Variants in DSCAM observed in about 807,000 individuals in gnomAD.
DSCAM encodes the protein DS cell adhesion molecule, also known as cell adhesion molecule DSCAM.
A neutral mutation model predicts 217.7 loss-of-function variants in DSCAM; 47 were observed. That is an observed-to-expected ratio of 0.22 (90% CI 0.17 to 0.28). The LOEUF is 0.28. Among genes scored for constraint, DSCAM ranks in the 10% least tolerant of loss-of-function variants. DSCAM has a pLI of 1.00. For synonymous variants in DSCAM, 1,056 were observed against 1,015.3 expected (o/e 1.04, Z -0.76); for missense variants, 2,080 against 2,618.3 (o/e 0.79, Z 4.49).
At chr21:40,062,043 G>A (rs543263646) in intron 28 of DSCAM, among the ~76,000 whole-genome samples, 6 of 152,292 alleles carry the variant, frequency 3.9e-5, no homozygotes, top group Admixed American at 6.5e-5. Context: ...TAATCCATAC[G>A]TGTAAATGCT....
In DSCAM at chr21:40,656,207, C is replaced by A. The variant is rs114647483; in HGVS notation, c.508+36603G>T. On this transcript the variant is annotated intron_variant, in intron 3 of 32. Transcript: ENST00000400454. ...GGGGACACATACATTCAAACCAGAG[C>A]AACTCTTATTTCATTTTGTTCTTTC... 3.7e-3 allele frequency among the ~76,000 whole-genome samples: 562 copies of A among 152,282 alleles called. 1 individual carries two copies. Among genetic ancestry groups the A allele is most frequent in the African/African-American group, 0.013 (524 of 41,570 alleles).
Position 40,791,584 on chromosome 21 carries a change from T to C in DSCAM, c.43+55035A>G, listed in dbSNP as rs74945267. ...GCGGGAATGGCGTGAACCCAGGAGG[T>C]GGAGCTTGCAGTGAGCCGAGATTGC... On this transcript the variant is annotated intron_variant, in intron 1 of 32. Coordinates refer to ENST00000400454, the MANE Select transcript of DSCAM (RefSeq NM_001389.5). Among the ~76,000 whole-genome samples the C allele has an allele frequency of 0.014, 2,090 of 151,976 alleles. 98 individuals are homozygous for C. In the East Asian group the frequency reaches 0.18, roughly 13 times the overall value.
intron 3 of DSCAM, among the ~76,000 whole-genome samples, chr21:40,376,531 A>ATATCGATATATCTTATATC (rs1569092854): frequency 2.8e-5 from 2 of 72,580 alleles, no homozygotes; most frequent in East Asian, 8.5e-4. Context: ...TATCTTATAT[A>ATATCGATATATCTTATATC]GATATCGATA....
At chr21:40,377,195 T>C (rs1017468141) in intron 3 of DSCAM, among the ~76,000 whole-genome samples, 1 of 152,208 alleles carries the variant, frequency 6.6e-6, no homozygotes, top group Non-Finnish European at 1.5e-5. Context: ...AAGAGGAAGA[T>C]ACTGTTATTC....
chr21:40,703,146 CCTTT>C (rs1356354301), intron 2 of DSCAM, among the ~76,000 whole-genome samples: 1 of 151,998 alleles, frequency 6.6e-6, no homozygotes, highest in Non-Finnish European at 1.5e-5. Context: ...TCTAGAACTT[CCTTT>C]AAGATTTCTT....
At chr21:40,039,478 C>T (rs1441758098) in intron 32 of DSCAM, among the ~76,000 whole-genome samples, 2 of 152,082 alleles carry the variant, frequency 1.3e-5, no homozygotes, top group African/African-American at 2.4e-5. Context: ...TTCATTCATA[C>T]AGTAAGGTTT....
intron 14 of DSCAM, among the ~76,000 whole-genome samples, chr21:40,182,127 G>T (rs2090811049): frequency 2.0e-5 from 3 of 152,260 alleles, no homozygotes; most frequent in Admixed American, 6.5e-5. Flanking sequence ...AAGAAGTGCT[G>T]TTAGAGGCTA....
rs188790280 is a variant in DSCAM, at chr21:40,766,147, G to T, written c.44-57376C>A. On this transcript the variant is annotated intron_variant, in intron 1 of 32. Transcript: ENST00000400454. Reference sequence around the variant, plus strand: ...GCTCCGTCAACTAGCAAAAGGGGTTGGGGGTGGGGGAAGAAAGACTAATTA... The same window carrying T: ...GCTCCGTCAACTAGCAAAAGGGGTTTGGGGTGGGGGAAGAAAGACTAATTA... 3.7e-3 allele frequency among the ~76,000 whole-genome samples: 556 copies of T among 152,306 alleles called. 4 individuals carry two copies. The highest frequency in any genetic ancestry group is 0.013 in the African/African-American group (536 of 41,568).
chr21:40,824,403 A>ATTTTTTTTTTTTTTTTTTTTTTTTT (rs536114434), intron 1 of DSCAM, among the ~76,000 whole-genome samples: 14 of 121,006 alleles, frequency 1.2e-4, no homozygotes, highest in East Asian at 2.3e-4. Context: ...TTTATTATTG[A>ATTTTTTTTTTTTTTTTTTTTTTTTT]TTTTTTTTTT....
chr21:40,517,404 A>AACACACAC (rs3070750), intron 3 of DSCAM, among the ~76,000 whole-genome samples: 6,884 of 144,710 alleles, frequency 0.048, 229 homozygotes, highest in Middle Eastern at 0.094. Context: ...ACACACAAGC[A>AACACACAC]ACACACACAC....
intron 6 of DSCAM, among the ~76,000 whole-genome samples, chr21:40,342,648 A>ATATATATATATATATATATATATATATAT (rs61637421): frequency 1.2e-5 from 1 of 80,322 alleles, no homozygotes; most frequent in African/African-American, 5.2e-5. Context: ...ATATATATAT[A>ATATATATATATATATATATATATATATAT]TTTTTTTTTT....
rs1374813184 is a variant in DSCAM at position 40,504,186 on chromosome 21, G to A, written c.509-134941C>T. 1.8e-4 allele frequency among the ~76,000 whole-genome samples: 28 copies of A among 152,232 alleles called. 1 individual carries two copies. On this transcript the variant is annotated intron_variant, in intron 3 of 32. Transcript: ENST00000400454. ...AAGAGAAGAGGAAAGAAGAGGGGAG[G>A]AGAAAAGAAGAGAAAAGAGGAAGAA... is the stretch of plus-strand genomic sequence containing the variant.
chr21:40,065,129 T>G (rs2089187657), intron 27 of DSCAM, among the ~76,000 whole-genome samples: 1 of 152,028 alleles, frequency 6.6e-6, no homozygotes, highest in Non-Finnish European at 1.5e-5. Context: ...AAGGAGGAGT[T>G]GCAGGGAGTC....
intron 3 of DSCAM, among the ~76,000 whole-genome samples, chr21:40,506,676 G>GAGTAAC (rs1395627879): frequency 6.6e-6 from 1 of 152,144 alleles, no homozygotes; most frequent in East Asian, 1.9e-4. Context: ...AGCAAAGAGC[G>GAGTAAC]AGTAACAGTC....
chr21:40,442,946 A>G (rs1601648007), intron 3 of DSCAM, among the ~76,000 whole-genome samples: 1 of 152,342 alleles, frequency 6.6e-6, no homozygotes, highest in Admixed American at 6.5e-5. Context: ...GTGTGGATGG[A>G]CATGAAACAA....
chr21:40,556,384 T>C (rs932745714), intron 3 of DSCAM, among the ~76,000 whole-genome samples: 1 of 152,086 alleles, frequency 6.6e-6, no homozygotes, highest in African/African-American at 2.4e-5. Flanking sequence ...GTTCTTACAA[T>C]AAAGCAAGCT....
At chr21:40,428,373 C>T (rs563794033) in intron 3 of DSCAM, among the ~76,000 whole-genome samples, 4 of 151,728 alleles carry the variant, frequency 2.6e-5, no homozygotes, top group African/African-American at 9.7e-5. Flanking sequence ...CGGGTCCAAG[C>T]AATTCTCCTG....
intron 3 of DSCAM, among the ~76,000 whole-genome samples, chr21:40,688,333 G>C (rs563463931): frequency 6.6e-6 from 1 of 152,254 alleles, no homozygotes; most frequent in South Asian, 2.1e-4. Flanking sequence ...CCCTAATCGG[G>C]AGGAAATTCA....
chr21:40,441,817 G>A (rs1052352137), intron 3 of DSCAM, among the ~76,000 whole-genome samples: 5 of 152,216 alleles, frequency 3.3e-5, no homozygotes, highest in Middle Eastern at 6.8e-3. Flanking sequence ...CCTCTGCTCA[G>A]GATCCTTGTG....
Sources: gnomAD v4.1 joint callset for allele counts (sites outside exome capture counted in the v4.1 genomes callset) on GRCh38, gnomAD v4.1.1 for gene constraint, MANE v1.5 for transcripts, NCBI Gene and HGNC (gene_info 2026-07-23, HGNC 2026-07-21) for gene names.